Variants in FSTL5 observed in about 807,000 individuals in gnomAD.
FSTL5 encodes the protein follistatin-related protein 5.
FSTL5 carries 62 observed loss-of-function variants against 89.1 expected under a neutral mutation model. That is an observed-to-expected ratio of 0.70 (90% confidence interval 0.57 to 0.86). The LOEUF is 0.86. Among genes scored for constraint, FSTL5 ranks in the 40% least tolerant of loss-of-function variants. FSTL5 has a pLI of 0.00. For missense variants in FSTL5, 1,057 were observed against 1,001.6 expected, an observed-to-expected ratio of 1.06 and a Z score of -0.75; for synonymous variants, 383 against 346.2, an observed-to-expected ratio of 1.11 and a Z score of -1.18.
intron 1 of FSTL5, among the ~76,000 whole-genome samples, chr4:162,154,583 A>T (rs1733393048): frequency 6.6e-6 from 1 of 152,192 alleles, no homozygotes; most frequent in Admixed American, 6.5e-5. Context: ...AGTTCATAAT[A>T]AAATATCCTT....
At chr4:161,805,516 A>G (rs1271228515) in intron 4 of FSTL5, among the ~76,000 whole-genome samples, 4 of 152,198 alleles carry the variant, frequency 2.6e-5, no homozygotes, top group Middle Eastern at 3.4e-3. Flanking sequence ...GCATTGATAT[A>G]GAGAAACAAG....
chr4:161,433,184 A>T (rs186809118), intron 15 of FSTL5, among the ~76,000 whole-genome samples: 1 of 152,132 alleles, frequency 6.6e-6, no homozygotes, highest in Non-Finnish European at 1.5e-5. Context: ...TCAATGAAAT[A>T]TGAGCAAACT....
chr4:161,914,533 A>C (rs2110841668), intron 4 of FSTL5, among the ~76,000 whole-genome samples: 1 of 152,302 alleles, frequency 6.6e-6, no homozygotes, highest in African/African-American at 2.4e-5. Context: ...AAACAAAATT[A>C]ACCTGCATAA....
intron 15 of FSTL5, among the ~76,000 whole-genome samples, chr4:161,450,582 A>T (rs557599830): frequency 2.3e-4 from 35 of 152,314 alleles, no homozygotes; most frequent in South Asian, 1.2e-3. Flanking sequence ...ATTTAATATA[A>T]CAACTGAGTT....
chr4:161,930,297 T>G (rs1050872071), intron 3 of FSTL5, among the ~76,000 whole-genome samples: 60 of 151,916 alleles, frequency 3.9e-4, no homozygotes, highest in African/African-American at 1.4e-3. Context: ...GGCATAAATC[T>G]AAATAGAGTC....
chr4:161,881,192 C>T (rs57907825), intron 4 of FSTL5, among the ~76,000 whole-genome samples: 5,820 of 148,222 alleles, frequency 0.039, 188 homozygotes, highest in East Asian at 0.15. Context: ...ATATATTTAA[C>T]ATTTTAATAA....
chr4:161,889,128 T>C (rs947104261), intron 4 of FSTL5, among the ~76,000 whole-genome samples: 6 of 152,188 alleles, frequency 3.9e-5, no homozygotes, highest in Non-Finnish European at 5.9e-5. Flanking sequence ...ACAATTAGAA[T>C]AGCAGTCTAA....
intron 8 of FSTL5, among the ~76,000 whole-genome samples, chr4:161,568,760 A>C (rs1441468394): frequency 6.6e-6 from 1 of 152,196 alleles, no homozygotes; most frequent in Non-Finnish European, 1.5e-5. Flanking sequence ...CAGGTCTGTA[A>C]GCAGTTTTTT....
At chr4:161,644,905 A>G (rs995949866) in intron 7 of FSTL5, among the ~76,000 whole-genome samples, 3 of 152,202 alleles carry the variant, frequency 2.0e-5, no homozygotes, top group African/African-American at 7.2e-5. Flanking sequence ...TAAATGAAAA[A>G]GTTAAATTCA....
rs1730654595 is a variant in FSTL5 at position 161,386,555 on chromosome 4, G to C, written c.1842-106C>G. 7 of 705,266 alleles carry C rather than the reference G, an allele frequency of 9.9e-6. No individual in the cohort carries two copies. The South Asian group carries it at 1.4e-4, about 14-fold the overall frequency. 43.7% of individuals were successfully genotyped at this position (705,266 alleles called of 1,614,324 possible). A position where few individuals can be genotyped will look rare whatever the true frequency, so the allele number is the denominator to read the frequency against. ...GGTCCATCGCAGGCTCTAATTGTCA[G>C]GCGAGGCAGCAATTTGTGTTACAAT... On this transcript the variant is annotated intron_variant, in intron 15 of 15. Coordinates refer to ENST00000306100, the MANE Select transcript of FSTL5 (RefSeq NM_020116.5).
At chr4:161,946,536 C>G (rs1336107715) in intron 3 of FSTL5, among the ~76,000 whole-genome samples, 4 of 152,088 alleles carry the variant, frequency 2.6e-5, no homozygotes, top group Non-Finnish European at 5.9e-5. Flanking sequence ...TGCCTGTCAC[C>G]TTTCATTCAA....
At chr4:162,045,951 G>C (rs1272503922) in intron 2 of FSTL5, among the ~76,000 whole-genome samples, 1 of 152,056 alleles carries the variant, frequency 6.6e-6, no homozygotes, top group Non-Finnish European at 1.5e-5. Flanking sequence ...AGGATAATGA[G>C]GAAGACAGCA....
chr4:161,538,319 T>C lies in FSTL5; in HGVS notation c.1178-19A>G, dbSNP rs1731704305. The C allele has an allele frequency of 6.2e-7, 1 of 1,613,386 alleles. No homozygotes were observed. The highest frequency in any genetic ancestry group is 8.5e-7 in the Non-Finnish European group (1 of 1,179,512). On this transcript the variant is annotated intron_variant, in intron 9 of 15. Transcript: ENST00000306100. ...CCATTTGCTGAAAAAAGAAGGGAAATGCAACTTGTAAACTACAATTTCAGT... is the reference window on the plus strand; with the variant it reads ...CCATTTGCTGAAAAAAGAAGGGAAACGCAACTTGTAAACTACAATTTCAGT...
intron 4 of FSTL5, among the ~76,000 whole-genome samples, chr4:161,888,462 C>T (rs1732884231): frequency 6.6e-6 from 1 of 152,262 alleles, no homozygotes; most frequent in South Asian, 2.1e-4. Flanking sequence ...TACATCACGA[C>T]TGAGTTAGGA....
intron 11 of FSTL5, among the ~76,000 whole-genome samples, chr4:161,503,150 C>T (rs1281100865): frequency 6.6e-6 from 1 of 151,594 alleles, no homozygotes; most frequent in African/African-American, 2.4e-5. Flanking sequence ...AATAATTATA[C>T]TATGTCATGC....
chr4:161,935,261 TA>T (rs1339722639), intron 3 of FSTL5, among the ~76,000 whole-genome samples: 1 of 152,090 alleles, frequency 6.6e-6, no homozygotes, highest in African/African-American at 2.4e-5. Context: ...CTTTGGACAC[TA>T]GTAATTCCTA....
chr4:161,675,453 T>C (rs1737269702), intron 6 of FSTL5, among the ~76,000 whole-genome samples: 1 of 151,430 alleles, frequency 6.6e-6, no homozygotes, highest in Non-Finnish European at 1.5e-5. Context: ...ATATATTAAG[T>C]TCACCATTTT....
At chr4:162,083,680 A>G (rs1296206884) in intron 2 of FSTL5, among the ~76,000 whole-genome samples, 3 of 151,836 alleles carry the variant, frequency 2.0e-5, no homozygotes, top group Non-Finnish European at 1.5e-5. Context: ...AATACTTGCA[A>G]GGAATAATTT....
intron 6 of FSTL5, among the ~76,000 whole-genome samples, chr4:161,752,619 A>T (rs1026519698): frequency 1.3e-5 from 2 of 151,984 alleles, no homozygotes; most frequent in African/African-American, 4.8e-5. Flanking sequence ...TTCAGCTTTG[A>T]AAAATGTTCA....
Sources: allele counts gnomAD v4.1 joint callset (sites outside exome capture counted in the v4.1 genomes callset), GRCh38; gene constraint gnomAD v4.1.1; transcripts MANE v1.5; gene names NCBI Gene and HGNC (gene_info 2026-07-23, HGNC 2026-07-21).